The following RB1 variants were observed in gnomAD, a reference collection of about 807,000 sequenced individuals.
The protein encoded by RB1 is RB transcriptional corepressor 1, also known as retinoblastoma-associated protein.
In RB1, 18 loss-of-function variants were observed where a neutral mutation model predicts 135.4. The ratio of observed to expected loss-of-function variants is 0.13; its 90% CI spans 0.09 to 0.20. The LOEUF is 0.20. RB1 is among the 10% of genes least tolerant of loss of function. The pLI is 1.00. For missense variants in RB1, 868 were observed against 1,110.0 expected (o/e 0.78, Z 3.10); for synonymous variants, 365 against 373.2 (o/e 0.98, Z 0.25).
chr13:48,303,901 C>A lies in RB1; in HGVS notation c.-12C>A. 6.6e-7 allele frequency: 1 copy of A among 1,514,854 alleles called. No individual in the cohort carries two copies. The allele number at this position is 1,514,854 out of a possible 1,614,324, so 93.8% of individuals were successfully genotyped here. A position where few individuals can be genotyped will look rare whatever the true frequency, so the allele number is the denominator to read the frequency against. On this transcript the variant is annotated 5_prime_UTR_variant, in exon 1 of 27. Transcript: ENST00000267163. ...CTCCACAGCTCGCTGGCTCCCGCCG[C>A]GGAAAGGCGTCATGCCGCCCAAAAC... is the stretch of plus-strand genomic sequence containing the variant.
intron 17 of RB1, among the ~76,000 whole-genome samples, chr13:48,394,284 A>G (rs892214927): frequency 2.6e-5 from 4 of 152,160 alleles, no homozygotes; most frequent in African/African-American, 9.7e-5. Flanking sequence ...TCGGGTGCCT[A>G]CACCACCAGG....
rs746335500 is a variant in RB1, at chr13:48,477,421, C to T, written c.2713+17C>T. Reference sequence around the variant, plus strand: ...CAGAAATGAGTAAGTACTTTTTTCACCTTGTGTAAATGAAATAAACAATTG... The same window carrying T: ...CAGAAATGAGTAAGTACTTTTTTCATCTTGTGTAAATGAAATAAACAATTG... On this transcript the variant is annotated intron_variant, in intron 26 of 26. Transcript: ENST00000267163. 6.3e-7 allele frequency: 1 copy of T among 1,581,118 alleles called. No homozygotes were observed.
At chr13:48,387,532 G>T (rs1418427325) in intron 17 of RB1, among the ~76,000 whole-genome samples, 1 of 152,092 alleles carries the variant, frequency 6.6e-6, no homozygotes. Context: ...GTTTTCTAAG[G>T]CTGGTGGGGA....
intron 2 of RB1, among the ~76,000 whole-genome samples, chr13:48,323,909 A>G (rs536070208): frequency 6.6e-6 from 1 of 152,186 alleles, no homozygotes; most frequent in Admixed American, 6.5e-5. Context: ...TTTGGGGGAT[A>G]CTAACATTTT....
intron 3 of RB1, 105 bp downstream of exon 3, chr13:48,342,819 GTAA>G: frequency 1.3e-6 from 1 of 794,940 alleles, no homozygotes; most frequent in Non-Finnish European, 2.1e-6. Flanking sequence ...CTAAAATAAA[GTAA>G]AACAAAAAGA....
Position 48,480,091 on chromosome 13 carries a change from G to T in RB1, c.*20G>T. On this transcript the variant is annotated 3_prime_UTR_variant, in exon 27 of 27. Transcript: ENST00000267163. ...AAATGAGGATCTCAGGACCTTGGTG[G>T]ACACTGTGTACACCTCTGGATTCAT... The T allele has an allele frequency of 1.3e-6, 2 of 1,578,620 alleles. No individual in the cohort carries two copies. Among genetic ancestry groups the T allele is most frequent in the Non-Finnish European group, 1.7e-6 (2 of 1,148,840 alleles).
At chr13:48,449,165 G>A (rs1200360525) in intron 17 of RB1, among the ~76,000 whole-genome samples, 1 of 151,376 alleles carries the variant, frequency 6.6e-6, no homozygotes, top group East Asian at 2.0e-4. Flanking sequence ...GCATCTCCCA[G>A]ATCGCCTTTT....
At chr13:48,429,388 C>G (rs1949107565) in intron 17 of RB1, 1 of 152,206 alleles carries the variant, frequency 6.6e-6, no homozygotes, top group South Asian at 2.1e-4. Context: ...ACACTAAGTT[C>G]TGCATCAATA....
intron 6 of RB1, among the ~76,000 whole-genome samples, chr13:48,353,372 A>G (rs1952565578): frequency 6.6e-6 from 1 of 152,164 alleles, no homozygotes. Context: ...CTAGACATGT[A>G]CAACTTACCA....
chr13:48,348,476 G>A (rs191298861), intron 5 of RB1, among the ~76,000 whole-genome samples: 1 of 151,808 alleles, frequency 6.6e-6, no homozygotes, highest in Admixed American at 6.6e-5. Flanking sequence ...GTGTTAAATT[G>A]GCAAACTAAA....
chr13:48,429,608 C>T (rs1388784468), intron 17 of RB1: 1 of 151,836 alleles, frequency 6.6e-6, no homozygotes, highest in Non-Finnish European at 1.5e-5. Flanking sequence ...AACAAAAAAC[C>T]TTGACCTTAC....
intron 6 of RB1, among the ~76,000 whole-genome samples, chr13:48,359,481 G>C (rs1000957724): frequency 6.1e-5 from 9 of 147,476 alleles, no homozygotes; most frequent in Non-Finnish European, 1.2e-4. Flanking sequence ...AGAATTAATT[G>C]AATCATTGGA....
intron 2 of RB1, among the ~76,000 whole-genome samples, chr13:48,308,735 CTT>C (rs1305921763): frequency 6.6e-6 from 1 of 151,832 alleles, no homozygotes; most frequent in East Asian, 1.9e-4. Context: ...AATATAAAAT[CTT>C]TTTTTATGTG....
intron 17 of RB1, among the ~76,000 whole-genome samples, chr13:48,390,216 A>G (rs1948600566): frequency 6.6e-6 from 1 of 152,216 alleles, no homozygotes; most frequent in Non-Finnish European, 1.5e-5. Context: ...TTCATTAAAT[A>G]ATTCATTCAT....
chr13:48,471,573 T>TA lies in RB1; in HGVS notation c.2490-1773dup, dbSNP rs1555294964. On this transcript the variant is annotated intron_variant, in intron 23 of 26. Coordinates refer to ENST00000267163, the MANE Select transcript of RB1 (RefSeq NM_000321.3). ...CTTAGAGTATAATAAAAAATATAAA[T>TA]AAAAAAAAAAAAAAGAAAATCTATT... is the stretch of plus-strand genomic sequence containing the variant. Among the ~76,000 whole-genome samples the TA allele has an allele frequency of 9.6e-3, 1,283 of 133,988 alleles. 24 individuals are homozygous for TA. The highest frequency in any genetic ancestry group is 0.033 in the African/African-American group (1,203 of 36,744). The allele number at this position is 133,988 out of a possible 152,430, so 87.9% of individuals were successfully genotyped here. A position where few individuals can be genotyped will look rare whatever the true frequency, so the allele number is the denominator to read the frequency against.
At chr13:48,332,683 G>T (rs996642719) in intron 2 of RB1, among the ~76,000 whole-genome samples, 2 of 152,160 alleles carry the variant, frequency 1.3e-5, no homozygotes, top group African/African-American at 4.8e-5. Context: ...TTCACTAAGA[G>T]AAATCTTAAG....
intron 23 of RB1, among the ~76,000 whole-genome samples, chr13:48,466,627 T>G (rs1949447118): frequency 6.7e-6 from 1 of 148,634 alleles, no homozygotes; most frequent in African/African-American, 2.5e-5. Context: ...GGGAGGACAT[T>G]CAAACCAAAG....
chr13:48,471,584 A>AAAAAG (rs1174146972), intron 23 of RB1, among the ~76,000 whole-genome samples: 34 of 150,484 alleles, frequency 2.3e-4, no homozygotes, highest in South Asian at 2.1e-4. Flanking sequence ...AAAAAAAAAA[A>AAAAAG]AAAGAAAATC....
rs760859104 is a variant in RB1, at chr13:48,330,108, TAAA to T, written c.265-12481_265-12479del. Among the ~76,000 whole-genome samples, 62 of 143,800 alleles carry T rather than the reference TAAA, an allele frequency of 4.3e-4. No homozygotes were observed. In the Middle Eastern group the frequency reaches 0.011, roughly 25 times the overall value. The allele number at this position is 143,800 out of a possible 152,430, so 94.3% of individuals were successfully genotyped here. On this transcript the variant is annotated intron_variant, in intron 2 of 26. Transcript: ENST00000267163. The stretch of plus-strand genomic sequence containing the variant: ...TCAAATAAGAAATCAAAATGGAAAT[TAAA>T]AAAAAAAAATGTGATACAAATGAAC...
Sources: allele counts gnomAD v4.1 joint callset (sites outside exome capture counted in the v4.1 genomes callset), GRCh38; gene constraint gnomAD v4.1.1; transcripts MANE v1.5; gene names NCBI Gene and HGNC (gene_info 2026-07-23, HGNC 2026-07-21).